The following PDSS1 variants were observed in gnomAD, a reference collection of about 807,000 sequenced individuals.
PDSS1 encodes decaprenyl diphosphate synthase subunit 1, also known as all trans-polyprenyl-diphosphate synthase PDSS1.
A neutral mutation model predicts 57.5 loss-of-function variants in PDSS1; 43 were observed. The ratio of observed to expected loss-of-function variants is 0.75; its 90% CI spans 0.59 to 0.96. The LOEUF (loss-of-function observed/expected upper bound fraction) is 0.96, where lower values mean the gene tolerates loss of function less well. Among genes scored for constraint, PDSS1 ranks in the 50% least tolerant of loss-of-function variants. The pLI, the probability that PDSS1 is intolerant of heterozygous loss-of-function variation, is 0.00. For synonymous variants in PDSS1, 175 were observed against 191.3 expected, an observed-to-expected ratio of 0.91 and a Z score of 0.70; for missense variants, 438 against 527.8, an observed-to-expected ratio of 0.83 and a Z score of 1.67.
At chr10:26,699,690 C>T (rs960222514) in intron 1 of PDSS1, among the ~76,000 whole-genome samples, 1 of 152,186 alleles carries the variant, frequency 6.6e-6, no homozygotes, top group Middle Eastern at 3.2e-3. Flanking sequence ...AGCCACCACG[C>T]CTGGCCTGAC....
intron 1 of PDSS1, among the ~76,000 whole-genome samples, chr10:26,698,986 G>C (rs1834962874): frequency 6.6e-6 from 1 of 152,146 alleles, no homozygotes; most frequent in African/African-American, 2.4e-5. Flanking sequence ...TTCACCAGGT[G>C]GGGTGGTGCA....
rs1835429286 is a variant in PDSS1, at chr10:26,712,369, A to C, written c.467+2601A>C. 2.0e-5 allele frequency among the ~76,000 whole-genome samples: 2 copies of C among 100,138 alleles called. 1 individual carries two copies. Among genetic ancestry groups the C allele is most frequent in the African/African-American group, 6.5e-5 (2 of 30,910 alleles). 65.7% of individuals were successfully genotyped at this position (100,138 alleles called of 152,430 possible). ...TGTTAGTTGCAGAAAACATAGGAGA[A>C]TATAACAAAAGCCATTGCTAGTTTA... is the stretch of plus-strand genomic sequence containing the variant. On this transcript the variant is annotated intron_variant, in intron 5 of 11. Transcript: ENST00000376215.
intron 5 of PDSS1, 72 bp from the exon 6 acceptor site, chr10:26,720,146 A>G (rs1004482181): frequency 1.2e-6 from 2 of 1,606,338 alleles, no homozygotes; most frequent in Non-Finnish European, 1.7e-6. Flanking sequence ...TCCGATGTCC[A>G]GTTTTCACAA....
chr10:26,745,838 C>T lies in PDSS1; in HGVS notation c.1108-495C>T, dbSNP rs560090279. Among the ~76,000 whole-genome samples the T allele has an allele frequency of 1.3e-4, 20 of 150,104 alleles. No individual in the cohort carries two copies. The East Asian group carries it at 3.9e-3, about 30-fold the overall frequency. ...TCTAGCTTGGGTGACAGAGTGAGAC[C>T]CTGTCTCAAAAAAAAAGAAAAAAGA... On this transcript the variant is annotated intron_variant, in intron 11 of 11. Coordinates refer to ENST00000376215, the MANE Select transcript of PDSS1 (RefSeq NM_014317.5).
chr10:26,745,279 G>C (rs544111028), intron 11 of PDSS1, among the ~76,000 whole-genome samples: 1 of 152,304 alleles, frequency 6.6e-6, no homozygotes, highest in African/African-American at 2.4e-5. Context: ...TCATAGAAAT[G>C]ATACTTTATT....
At chr10:26,709,510 G>T (rs973522897) in intron 4 of PDSS1, 128 bp from the exon 5 acceptor site, 10 of 906,820 alleles carry the variant, frequency 1.1e-5, no homozygotes, top group Non-Finnish European at 1.8e-5. Flanking sequence ...ACAATGAGCT[G>T]AGATCGTTCC....
At position 26,704,723 on chromosome 10, in the gene PDSS1, A is replaced by G; in HGVS notation, c.209A>G (p.Asn70Ser). 7.0e-7 allele frequency: 1 copy of G among 1,437,760 alleles called. No homozygotes were observed. Among genetic ancestry groups the G allele is most frequent in the South Asian group, 1.1e-5 (1 of 87,312 alleles). 89.1% of individuals were successfully genotyped at this position (1,437,760 alleles called of 1,614,324 possible). Reference protein sequence around the residue: ...LVKHLTSACPNVCRISRFHHT... With the variant: ...LVKHLTSACPSVCRISRFHHT... ...AAGCATTTAACATCTGCCTGTCCAA[A>G]TGTATGTCGTATATCACGGTAAGTT... The change falls in exon 3 of 12, where the codon AAT becomes AGT. Residue 70 changes from asparagine to serine, a missense_variant. Transcript: ENST00000376215.
chr10:26,713,905 G>A (rs927759701), intron 5 of PDSS1, among the ~76,000 whole-genome samples: 14 of 151,926 alleles, frequency 9.2e-5, no homozygotes, highest in African/African-American at 2.9e-4. Flanking sequence ...GTGCCCCTTC[G>A]GGAGGCAGCC....
Position 26,746,609 on chromosome 10 carries a change from TA to T in PDSS1, c.*137del, listed in dbSNP as rs1836941195. ...ATATCAAACTTATTGATGGGCAATT[TA>T]TTTTTTTTTATTGCAAAAGTTTTTT... On this transcript the variant is annotated 3_prime_UTR_variant, in exon 12 of 12. Transcript: ENST00000376215. The T allele has an allele frequency of 3.5e-5, 32 of 925,032 alleles. No homozygotes were observed. In the South Asian group the frequency reaches 4.8e-4, roughly 14 times the overall value. 57.3% of individuals were successfully genotyped at this position (925,032 alleles called of 1,614,324 possible).
chr10:26,733,395 A>G (rs1588700701), intron 8 of PDSS1, among the ~76,000 whole-genome samples: 4 of 152,276 alleles, frequency 2.6e-5, no homozygotes, highest in Admixed American at 2.0e-4. Flanking sequence ...CCTCCCTGAC[A>G]GCCCAGGGGT....
chr10:26,744,303 C>A (rs1041417573), intron 11 of PDSS1, among the ~76,000 whole-genome samples: 2 of 151,848 alleles, frequency 1.3e-5, no homozygotes, highest in African/African-American at 4.8e-5. Flanking sequence ...CCATTAAATC[C>A]GAAGGCAAAA....
chr10:26,740,580 A>AT (rs1453977668), intron 10 of PDSS1: 1 of 454,370 alleles, frequency 2.2e-6, no homozygotes, highest in Non-Finnish European at 4.4e-6. Context: ...TGTATGCCCT[A>AT]TTTTTTCTTC....
intron 6 of PDSS1, among the ~76,000 whole-genome samples, chr10:26,722,182 C>T (rs1449256860): frequency 6.6e-6 from 1 of 152,026 alleles, no homozygotes; most frequent in Non-Finnish European, 1.5e-5. Context: ...GGGGCTGGGT[C>T]GGGGAATGTA....
chr10:26,736,088 G>C (rs997115909), intron 10 of PDSS1, among the ~76,000 whole-genome samples: 1 of 152,206 alleles, frequency 6.6e-6, no homozygotes, highest in Non-Finnish European at 1.5e-5. Flanking sequence ...CTCGGCCATT[G>C]CCTCAAAATG....
intron 8 of PDSS1, among the ~76,000 whole-genome samples, chr10:26,728,774 CTTTTTT>C (rs33930147): frequency 4.7e-5 from 4 of 84,570 alleles, no homozygotes; most frequent in African/African-American, 1.9e-4. Flanking sequence ...TATTCTGTAT[CTTTTTT>C]TTTTTTTTTT....
chr10:26,721,435 C>CACAA (rs1835781550), intron 6 of PDSS1, among the ~76,000 whole-genome samples: 1 of 151,872 alleles, frequency 6.6e-6, no homozygotes. Context: ...CACACACACA[C>CACAA]ACACACACAC....
Position 26,742,494 on chromosome 10 carries a change from T to C in PDSS1, c.1027-3T>C. The C allele has an allele frequency of 6.2e-7, 1 of 1,606,498 alleles. No individual in the cohort carries two copies. Among genetic ancestry groups the C allele is most frequent in the African/African-American group, 1.3e-5 (1 of 74,918 alleles). ...TCTCAGATTTTCTCTCTTTTTTTGTTAGTTCCCAGAAATGAATGCTATGAT... is the reference window on the plus strand; with the variant it reads ...TCTCAGATTTTCTCTCTTTTTTTGTCAGTTCCCAGAAATGAATGCTATGAT... On this transcript the variant is annotated splice_region_variant and splice_polypyrimidine_tract_variant and intron_variant, in intron 10 of 11. Coordinates refer to ENST00000376215, the MANE Select transcript of PDSS1 (RefSeq NM_014317.5).
chr10:26,746,367 A>G lies in PDSS1; in HGVS notation c.1142A>G (p.Gln381Arg). Residue 381 changes from glutamine (Q) to arginine (R), a missense_variant, in exon 12 of 12, where the codon CAG becomes CGG. By Grantham distance (43) the Gln-to-Arg change is conservative. This residue lies in a region of PDSS1 where 284 missense variants were observed against 390.7 expected (regional missense o/e 0.73). Transcript: ENST00000376215. Reference protein sequence around the residue: ...DGVQQTTYLAQQYCHEAIREI... With the variant: ...DGVQQTTYLARQYCHEAIREI... ...GTGCAACAAACAACCTACCTCGCCC[A>G]GCAGTACTGCCATGAAGCAATAAGA... 1.9e-6 allele frequency: 3 copies of G among 1,614,150 alleles called. No individual in the cohort carries two copies. The highest frequency in any genetic ancestry group is 1.6e-4 in the Middle Eastern group (1 of 6,062).
At chr10:26,716,745 A>G (rs576244027) in intron 5 of PDSS1, among the ~76,000 whole-genome samples, 2 of 152,260 alleles carry the variant, frequency 1.3e-5, no homozygotes, top group South Asian at 4.1e-4. Context: ...AAAAGTCCTG[A>G]CAGGCATGCT....
Sources: gnomAD v4.1 joint callset for allele counts (sites outside exome capture counted in the v4.1 genomes callset) on GRCh38, gnomAD v4.1.1 for gene constraint, gnomAD v4.1.1 regional missense constraint, MANE v1.5 for transcripts, NCBI Gene and HGNC (gene_info 2026-07-23, HGNC 2026-07-21) for gene names.